The following PPHLN1 variants were observed in gnomAD, a reference collection of about 807,000 sequenced individuals.
PPHLN1 encodes periphilin 1.
PPHLN1 carries 29 observed loss-of-function variants against 51.3 expected under a neutral mutation model. That is an observed-to-expected ratio of 0.57 (90% confidence interval 0.42 to 0.77). PPHLN1 has a LOEUF of 0.77. Ranked by LOEUF, PPHLN1 falls within the 30% of genes least tolerant of loss-of-function variation. PPHLN1 has a pLI of 0.00. For synonymous variants in PPHLN1, 147 were observed against 147.8 expected (o/e 0.99, Z 0.04); for missense variants, 436 against 438.4 (o/e 0.99, Z 0.05).
intron 7 of PPHLN1, among the ~76,000 whole-genome samples, chr12:42,389,706 A>G (rs1422654241): frequency 6.6e-6 from 1 of 152,198 alleles, no homozygotes; most frequent in Admixed American, 6.5e-5. Context: ...GCTGCAACCC[A>G]TATTCTCATC....
chr12:42,389,832 G>A (rs895418859), intron 7 of PPHLN1, among the ~76,000 whole-genome samples: 3 of 132,156 alleles, frequency 2.3e-5, no homozygotes, highest in African/African-American at 7.5e-5. Flanking sequence ...TATTCATACA[G>A]AAATCTTAGT....
chr12:42,437,626 T>C (rs1011806169), intron 9 of PPHLN1, among the ~76,000 whole-genome samples: 13 of 152,176 alleles, frequency 8.5e-5, no homozygotes, highest in Non-Finnish European at 1.8e-4. Context: ...ATTATTAACA[T>C]TTTGCATTAC....
At chr12:42,337,987 T>A (rs574691260) in intron 2 of PPHLN1, among the ~76,000 whole-genome samples, 59 of 152,190 alleles carry the variant, frequency 3.9e-4, no homozygotes, top group African/African-American at 1.4e-3. Flanking sequence ...TTTCACCGTG[T>A]TGGCCAGGCC....
intron 4 of PPHLN1, 176 bp from the exon 5 acceptor site, chr12:42,374,687 C>A (rs1450978621): frequency 4.1e-6 from 2 of 492,468 alleles, no homozygotes; most frequent in East Asian, 7.1e-5. Context: ...ATCTCCTGAC[C>A]TCGTGATCTG....
intron 1 of PPHLN1, chr12:42,332,586 G>T: frequency 1.0e-6 from 1 of 973,928 alleles, no homozygotes; most frequent in Non-Finnish European, 1.6e-6. Context: ...AATTAATGAA[G>T]ATTTAATTAT....
intron 4 of PPHLN1, among the ~76,000 whole-genome samples, chr12:42,371,947 A>G (rs1328231000): frequency 3.9e-5 from 6 of 152,068 alleles, no homozygotes. Context: ...ATCTTTCCTT[A>G]AGACCTGGAT....
At chr12:42,397,577 G>GTAAAGGCCTATATATTACA (rs1427187746) in intron 8 of PPHLN1, among the ~76,000 whole-genome samples, 1 of 138,540 alleles carries the variant, frequency 7.2e-6, no homozygotes, top group African/African-American at 2.6e-5. Flanking sequence ...TACATATTGT[G>GTAAAGGCCTATATATTACA]TATAGGCCTA....
At chr12:42,359,566 A>G (rs1230880171) in intron 4 of PPHLN1, 1 of 152,218 alleles carries the variant, frequency 6.6e-6, no homozygotes, top group Non-Finnish European at 1.5e-5. Flanking sequence ...CCTGGCATCT[A>G]TCTGGCTTCT....
chr12:42,344,920 G>C (rs2138017225), intron 2 of PPHLN1, among the ~76,000 whole-genome samples: 1 of 152,110 alleles, frequency 6.6e-6, no homozygotes, highest in South Asian at 2.1e-4. Context: ...ATGTTAGCCA[G>C]GCTGGTCTCG....
In PPHLN1 at chr12:42,398,945, T is replaced by C. The variant is rs2139302226; in HGVS notation, c.860T>C (p.Leu287Pro). The stretch of plus-strand genomic sequence containing the variant: ...ATAGAATTATTTGAAGATAGTCAGC[T>C]AACCACTCGCTCTAAAGCAATAGCA... The part of the protein sequence containing the change: ...HGIELFEDSQ[L>P]TTRSKAIASK... Residue 287 changes from leucine to proline, a missense_variant, in exon 9 of 10, where the codon CTA becomes CCA. By Grantham distance (98) the Leu-to-Pro change is moderately conservative. Transcript: ENST00000358314. The C allele has an allele frequency of 6.2e-7, 1 of 1,614,146 alleles. No homozygotes were observed. The highest frequency in any genetic ancestry group is 8.5e-7 in the Non-Finnish European group (1 of 1,179,964).
chr12:42,367,498 C>G (rs983691552), intron 4 of PPHLN1, among the ~76,000 whole-genome samples: 1 of 151,770 alleles, frequency 6.6e-6, no homozygotes, highest in Admixed American at 6.6e-5. Flanking sequence ...TAAACAAAAC[C>G]CTTTCCTAGA....
intron 2 of PPHLN1, among the ~76,000 whole-genome samples, chr12:42,339,817 G>A (rs1375080667): frequency 6.6e-6 from 1 of 152,026 alleles, no homozygotes; most frequent in Non-Finnish European, 1.5e-5. Context: ...GATGTAACAT[G>A]GTATAAAATT....
At chr12:42,377,146 CTTTTA>C (rs1484819655) in intron 5 of PPHLN1, among the ~76,000 whole-genome samples, 1 of 151,378 alleles carries the variant, frequency 6.6e-6, no homozygotes, top group Non-Finnish European at 1.5e-5. Flanking sequence ...CTGTTTGTGT[CTTTTA>C]TGTGTGGCCC....
intron 6 of PPHLN1, chr12:42,387,186 A>G (rs946527406): frequency 4.2e-6 from 1 of 236,288 alleles, no homozygotes; most frequent in Non-Finnish European, 8.1e-6. Flanking sequence ...CCTTTCTTGA[A>G]GTCTCTGTGG....
chr12:42,356,117 G>A (rs2074024389), intron 4 of PPHLN1, among the ~76,000 whole-genome samples: 1 of 152,220 alleles, frequency 6.6e-6, no homozygotes, highest in Non-Finnish European at 1.5e-5. Context: ...ATCGAAAGTT[G>A]TAAAAGGAGC....
At chr12:42,426,291 T>C (rs2139778331) in intron 9 of PPHLN1, among the ~76,000 whole-genome samples, 1 of 149,848 alleles carries the variant, frequency 6.7e-6, no homozygotes, top group East Asian at 2.0e-4. Flanking sequence ...TCCAGACCCC[T>C]CCAAACCAGT....
chr12:42,425,246 A>AT (rs34484756), intron 9 of PPHLN1, among the ~76,000 whole-genome samples: 43,381 of 124,648 alleles, frequency 0.35, 8,023 homozygotes, highest in South Asian at 0.46. Flanking sequence ...TGCCTGGCTA[A>AT]TTTTTTTTTT....
intron 5 of PPHLN1, among the ~76,000 whole-genome samples, chr12:42,377,067 G>A (rs1232172502): frequency 6.6e-6 from 1 of 151,576 alleles, no homozygotes; most frequent in Non-Finnish European, 1.5e-5. Context: ...CCTGACACAA[G>A]TTTGTAAACT....
chr12:42,397,193 A>G (rs1488132140), intron 8 of PPHLN1, among the ~76,000 whole-genome samples: 3 of 152,206 alleles, frequency 2.0e-5, no homozygotes, highest in South Asian at 2.1e-4. Context: ...ACCATCTTCC[A>G]TGGCTCTCTT....
Sources: gnomAD v4.1 joint callset for allele counts (sites outside exome capture counted in the v4.1 genomes callset) on GRCh38, gnomAD v4.1.1 for gene constraint, MANE v1.5 for transcripts, NCBI Gene and HGNC (gene_info 2026-07-23, HGNC 2026-07-21) for gene names.